Variants in SPINT1 observed in about 807,000 individuals in gnomAD.
SPINT1 encodes the protein serine peptidase inhibitor, Kunitz type 1.
SPINT1 carries 38 observed loss-of-function variants against 53.7 expected under a neutral mutation model. The observed-to-expected ratio is 0.71, with a 90% CI of 0.55 to 0.93. The LOEUF (loss-of-function observed/expected upper bound fraction) is 0.93. SPINT1 is among the 40% of genes least tolerant of loss of function. The pLI is 0.00. For synonymous variants in SPINT1, 283 were observed against 280.6 expected (o/e 1.01, Z -0.08); for missense variants, 645 against 692.9 (o/e 0.93, Z 0.78).
In SPINT1 at chr15:40,857,106, C is replaced by T; in HGVS notation, c.*131C>T. On this transcript the variant is annotated 3_prime_UTR_variant, in exon 11 of 11. Transcript: ENST00000562057. Reference sequence around the variant, plus strand: ...CACTGTGCCTCAGAGACCAGGGCTCCAGCCCCTCTTGGAGAAGTCTCAGCT... The same window carrying T: ...CACTGTGCCTCAGAGACCAGGGCTCTAGCCCCTCTTGGAGAAGTCTCAGCT... 2.5e-6 allele frequency: 3 copies of T among 1,222,554 alleles called. No homozygotes were observed. Among genetic ancestry groups the T allele is most frequent in the Non-Finnish European group, 3.4e-6 (3 of 892,310 alleles). 75.7% of individuals were successfully genotyped at this position (1,222,554 alleles called of 1,614,324 possible). A position where few individuals can be genotyped will look rare whatever the true frequency, so the allele number is the denominator to read the frequency against.
intron 2 of SPINT1, among the ~76,000 whole-genome samples, chr15:40,849,199 T>G (rs1891385602): frequency 6.7e-6 from 1 of 150,004 alleles, no homozygotes; most frequent in Non-Finnish European, 1.5e-5. Flanking sequence ...TGAGCCAAGA[T>G]CACGCCACTG....
chr15:40,844,459 T>C lies in SPINT1; in HGVS notation c.-65-31T>C, dbSNP rs1479538967. On this transcript the variant is annotated intron_variant, in intron 1 of 10. Coordinates refer to ENST00000562057, the MANE Select transcript of SPINT1 (RefSeq NM_003710.4). The surrounding 1 kb of genome is among the most constrained non-coding windows in gnomAD (Gnocchi z 5.8). ...AAGTCTCCCGGGCTGATCAGGTGTGTCTCCTCCTCTGTCCCCTCCCTTCTT... is the reference window on the plus strand; with the variant it reads ...AAGTCTCCCGGGCTGATCAGGTGTGCCTCCTCCTCTGTCCCCTCCCTTCTT... 1 of 1,259,144 alleles carries C rather than the reference T, an allele frequency of 7.9e-7. No homozygotes were observed. The highest frequency in any genetic ancestry group is 1.2e-6 in the Non-Finnish European group (1 of 867,044). 78.0% of individuals were successfully genotyped at this position (1,259,144 alleles called of 1,614,324 possible).
intron 2 of SPINT1, among the ~76,000 whole-genome samples, chr15:40,845,912 G>A (rs950715930): frequency 6.6e-5 from 10 of 152,228 alleles, no homozygotes; most frequent in African/African-American, 2.4e-4. Flanking sequence ...TGGCCTTTTG[G>A]TGGTCCAGGA....
chr15:40,853,929 G>A (rs1305005814), intron 5 of SPINT1, 48 bp downstream of exon 5: 27 of 1,614,048 alleles, frequency 1.7e-5, no homozygotes, highest in Non-Finnish European at 2.3e-5. Flanking sequence ...TTTCCCCCAG[G>A]GTGAGTGGTC....
At position 40,857,194 on chromosome 15, in the gene SPINT1, AC is replaced by A; in HGVS notation, c.*221del. ...AGCAGAAAACCCTTGGGCCAGAAGTACCAGACTAGATGGACCTGCCTGCATA... is the reference window on the plus strand; with the variant it reads ...AGCAGAAAACCCTTGGGCCAGAAGTACAGACTAGATGGACCTGCCTGCATA... On this transcript the variant is annotated 3_prime_UTR_variant, in exon 11 of 11. Transcript: ENST00000562057. 1 of 635,966 alleles carries A rather than the reference AC, an allele frequency of 1.6e-6. No individual in the cohort carries two copies. Among genetic ancestry groups the A allele is most frequent in the Non-Finnish European group, 2.7e-6 (1 of 375,128 alleles). 39.4% of individuals were successfully genotyped at this position (635,966 alleles called of 1,614,324 possible).
intron 2 of SPINT1, among the ~76,000 whole-genome samples, chr15:40,852,349 G>A (rs1303109949): frequency 6.6e-6 from 1 of 152,172 alleles, no homozygotes; most frequent in Non-Finnish European, 1.5e-5. Context: ...CTTCTGCAAA[G>A]ACCCTTTTCC....
Position 40,844,724 on chromosome 15 carries a change from G to C in SPINT1, c.170G>C (p.Gly57Ala). The C allele has an allele frequency of 6.2e-7, 1 of 1,609,282 alleles. No individual in the cohort carries two copies. Reference protein sequence around the residue: ...GADCLNSFTAGVPGFVLDTNA... With the variant: ...GADCLNSFTAAVPGFVLDTNA... ...GACTGCCTGAACAGCTTTACCGCCG[G>C]GGTGCCTGGCTTCGTGCTGGACACC... Residue 57 changes from glycine to alanine, a missense_variant, in exon 2 of 11, where the codon GGG (glycine) becomes GCG (alanine). Physicochemically the swap from Gly to Ala is moderately conservative, Grantham distance 60. Transcript: ENST00000562057. This position sits in a 1 kb window ranked among gnomAD's most constrained non-coding sequence, Gnocchi z 5.8.
rs1298275268 is a variant in SPINT1 at position 40,844,968 on chromosome 15, C to T, written c.414C>T (p.Ile138=). ...AGTTCGCGCCCAGGGAGGGCTTCAT[C>T]AACTACCTCACGAGGGAAGTGTACC... ...VCKFAPREGF[I]NYLTREVYRS... Residue 138 remains isoleucine (I), a synonymous_variant, in exon 2 of 11, where the codon ATC becomes ATT. Transcript: ENST00000562057. This position sits in a 1 kb window ranked among gnomAD's most constrained non-coding sequence, Gnocchi z 5.8. 6.2e-7 allele frequency: 1 copy of T among 1,613,868 alleles called. No homozygotes were observed. The highest frequency in any genetic ancestry group is 1.3e-5 in the African/African-American group (1 of 75,032).
At position 40,844,459 on chromosome 15, in the gene SPINT1, TCTC is replaced by T. The variant is rs777009212; in HGVS notation, c.-65-24_-65-22del. The T allele has an allele frequency of 7.1e-6, 9 of 1,259,028 alleles. No individual in the cohort carries two copies. The highest frequency in any genetic ancestry group is 1.0e-5 in the Non-Finnish European group (9 of 867,052). 78.0% of individuals were successfully genotyped at this position (1,259,028 alleles called of 1,614,324 possible). A position where few individuals can be genotyped will look rare whatever the true frequency, so the allele number is the denominator to read the frequency against. On this transcript the variant is annotated intron_variant, in intron 1 of 10. Coordinates refer to ENST00000562057, the MANE Select transcript of SPINT1 (RefSeq NM_003710.4). This position sits in a 1 kb window ranked among gnomAD's most constrained non-coding sequence, Gnocchi z 5.8. ...AAGTCTCCCGGGCTGATCAGGTGTG[TCTC>T]CTCCTCTGTCCCCTCCCTTCTTCTC...
In SPINT1 at chr15:40,856,916, G is replaced by C; in HGVS notation, c.1483G>C (p.Val495Leu). 6.2e-7 allele frequency: 1 copy of C among 1,614,174 alleles called. No individual in the cohort carries two copies. Among genetic ancestry groups the C allele is most frequent in the Admixed American group, 1.7e-5 (1 of 60,022 alleles). Reference sequence around the variant, plus strand: ...ACCACCCACCCCTGCCAGCTCCACTGTCTCCACTACCGAGGACACGGAGCA... The same window carrying C: ...ACCACCCACCCCTGCCAGCTCCACTCTCTCCACTACCGAGGACACGGAGCA... ...HPPPTPASST[V>L]STTEDTEHLV... Residue 495 changes from valine to leucine, a missense_variant, in exon 11 of 11, where the codon GTC becomes CTC. Val to Leu is a conservative substitution (Grantham distance 32). Transcript: ENST00000562057.
intron 2 of SPINT1, among the ~76,000 whole-genome samples, chr15:40,849,248 GA>G (rs200108765): frequency 2.3e-4 from 32 of 140,974 alleles, no homozygotes; most frequent in African/African-American, 6.5e-4. Flanking sequence ...TCCGTCTCAG[GA>G]AAAAAAAAAA....
Position 40,856,155 on chromosome 15 carries a change from A to G in SPINT1, c.1288+93A>G. On this transcript the variant is annotated intron_variant, in intron 9 of 10. Coordinates refer to ENST00000562057, the MANE Select transcript of SPINT1 (RefSeq NM_003710.4). Reference sequence around the variant, plus strand: ...CCAGGCCTTTGGGAGTCACCCCTCCATCCTCAGAGCGCCTGGAGTAGGAGT... The same window carrying G: ...CCAGGCCTTTGGGAGTCACCCCTCCGTCCTCAGAGCGCCTGGAGTAGGAGT... 2.5e-6 allele frequency: 4 copies of G among 1,593,206 alleles called. No individual in the cohort carries two copies. The South Asian group carries it at 3.4e-5, about 13-fold the overall frequency.
At position 40,855,876 on chromosome 15, in the gene SPINT1, A is replaced by G. The variant is rs574054546; in HGVS notation, c.1118-16A>G. Reference sequence around the variant, plus strand: ...GCCATGGACTCGCTCACCATAGCCTACCCCATACCCCCCAGGGCACTGCGT... The same window carrying G: ...GCCATGGACTCGCTCACCATAGCCTGCCCCATACCCCCCAGGGCACTGCGT... On this transcript the variant is annotated splice_polypyrimidine_tract_variant and intron_variant, in intron 8 of 10. Coordinates refer to ENST00000562057, the MANE Select transcript of SPINT1 (RefSeq NM_003710.4). 4.0e-5 allele frequency: 64 copies of G among 1,607,092 alleles called. No homozygotes were observed. The Admixed American group carries it at 4.2e-4, about 11-fold the overall frequency.
chr15:40,847,641 G>A (rs1224167169), intron 2 of SPINT1, among the ~76,000 whole-genome samples: 1 of 152,150 alleles, frequency 6.6e-6, no homozygotes, highest in Non-Finnish European at 1.5e-5. Context: ...TGGGGGAGGG[G>A]CTGGTTTTAT....
At chr15:40,845,483 C>T (rs982097860) in intron 2 of SPINT1, among the ~76,000 whole-genome samples, 10 of 152,064 alleles carry the variant, frequency 6.6e-5, no homozygotes, top group African/African-American at 2.4e-4. Flanking sequence ...GGCAGTACAG[C>T]CGAATCAAGC....
chr15:40,845,058 T>C (rs1463420302), intron 2 of SPINT1, 29 bp downstream of exon 2: 8 of 1,554,886 alleles, frequency 5.1e-6, no homozygotes, highest in Non-Finnish European at 7.0e-6. Context: ...TGGATGGGTT[T>C]GGAGAGACTC....
Position 40,853,478 on chromosome 15 carries a change from C to T in SPINT1, c.604-11C>T. 6.2e-7 allele frequency: 1 copy of T among 1,614,096 alleles called. No homozygotes were observed. Among genetic ancestry groups the T allele is most frequent in the South Asian group, 1.1e-5 (1 of 91,088 alleles). On this transcript the variant is annotated splice_polypyrimidine_tract_variant and intron_variant, in intron 3 of 10. Transcript: ENST00000562057. The stretch of plus-strand genomic sequence containing the variant: ...GGGGTGCCCAAGCCTGATAGCCACT[C>T]CTGTGTGCAGAGGAAAGACCCAAAC...
rs372049289 is a variant in SPINT1 at position 40,849,042 on chromosome 15, T to C, written c.475+4013T>C. On this transcript the variant is annotated intron_variant, in intron 2 of 10. Coordinates refer to ENST00000562057, the MANE Select transcript of SPINT1 (RefSeq NM_003710.4). ...CGGGCGGATCACGAGGTCGGGAGAT[T>C]GAGACCATCCTGGCTAACACGGTGA... Among the ~76,000 whole-genome samples, 884 of 151,540 alleles carry C rather than the reference T, an allele frequency of 5.8e-3. 3 individuals carry two copies. Among genetic ancestry groups the C allele is most frequent in the Middle Eastern group, 0.017 (5 of 292 alleles).
chr15:40,852,488 G>T (rs1417519401), intron 2 of SPINT1, among the ~76,000 whole-genome samples: 1 of 152,188 alleles, frequency 6.6e-6, no homozygotes, highest in Non-Finnish European at 1.5e-5. Flanking sequence ...TGACCCTGAG[G>T]TGGGGAAGCC....
Sources: allele counts gnomAD v4.1 joint callset (sites outside exome capture counted in the v4.1 genomes callset), GRCh38; gene constraint gnomAD v4.1.1; non-coding constraint Gnocchi (gnomAD v3.1); transcripts MANE v1.5; gene names NCBI Gene and HGNC (gene_info 2026-07-23, HGNC 2026-07-21).